RPTOR: variants seen among roughly 807,000 people sequenced by gnomAD.
RPTOR encodes regulatory associated protein of MTOR complex 1.
In RPTOR, 21 loss-of-function variants were observed where a neutral mutation model predicts 169.9. The ratio of observed to expected loss-of-function variants is 0.12; its 90% confidence interval spans 0.09 to 0.18. The LOEUF is 0.18. RPTOR is among the 10% of genes least tolerant of loss of function. The pLI is 1.00. For missense variants in RPTOR, 1,133 were observed against 1,855.9 expected (o/e 0.61, Z 7.16); for synonymous variants, 732 against 753.2 (o/e 0.97, Z 0.46).
At chr17:80,885,503 T>C (rs1419030558) in intron 17 of RPTOR, among the ~76,000 whole-genome samples, 1 of 152,222 alleles carries the variant, frequency 6.6e-6, no homozygotes, top group East Asian at 1.9e-4. Flanking sequence ...ACACCCCATG[T>C]ACGTCAGCGA....
At chr17:80,807,402 T>G (rs2067229155) in intron 7 of RPTOR, among the ~76,000 whole-genome samples, 1 of 151,862 alleles carries the variant, frequency 6.6e-6, no homozygotes, top group Admixed American at 6.6e-5. Context: ...TAGGCTGGAG[T>G]GCAATAGCAC....
intron 3 of RPTOR, 104 bp downstream of exon 3, chr17:80,643,914 T>C (rs994970558): frequency 3.9e-5 from 34 of 864,652 alleles, no homozygotes; most frequent in African/African-American, 8.4e-5. Context: ...GTGCACACCC[T>C]GCCCTTGTGT....
chr17:80,942,178 G>T (rs62068531), intron 25 of RPTOR: 36,121 of 151,664 alleles, frequency 0.24, 4,878 homozygotes, highest in Middle Eastern at 0.33. Context: ...CTGTTTTCCT[G>T]GAGGTTAGCG....
At chr17:80,592,746 A>C (rs892385282) in intron 1 of RPTOR, among the ~76,000 whole-genome samples, 3 of 152,236 alleles carry the variant, frequency 2.0e-5, no homozygotes, top group African/African-American at 7.2e-5. Flanking sequence ...GTATGTCTTC[A>C]CATTCCTACA....
At chr17:80,840,030 G>C (rs2067610143) in intron 10 of RPTOR, among the ~76,000 whole-genome samples, 1 of 152,146 alleles carries the variant, frequency 6.6e-6, no homozygotes, top group Admixed American at 6.5e-5. Context: ...TCTTATTGGA[G>C]GTGTAACTTA....
intron 1 of RPTOR, among the ~76,000 whole-genome samples, chr17:80,574,856 G>T (rs1457859552): frequency 1.4e-5 from 2 of 144,178 alleles, no homozygotes; most frequent in Admixed American, 7.1e-5. Context: ...TAGAGACAGG[G>T]TCTTCTTATG....
chr17:80,606,949 C>CT (rs1278061097), intron 1 of RPTOR, among the ~76,000 whole-genome samples: 3 of 152,200 alleles, frequency 2.0e-5, no homozygotes, highest in African/African-American at 7.2e-5. Flanking sequence ...GAGGGAGCTA[C>CT]TCAGGTTAAG....
intron 3 of RPTOR, 67 bp downstream of exon 3, chr17:80,643,877 C>T: frequency 8.0e-7 from 1 of 1,246,522 alleles, no homozygotes; most frequent in Non-Finnish European, 1.2e-6. Context: ...TGGTTTCCAA[C>T]ACTCTTTGGA....
At chr17:80,727,590 CG>C (rs2066350831) in intron 4 of RPTOR, among the ~76,000 whole-genome samples, 1 of 152,118 alleles carries the variant, frequency 6.6e-6, no homozygotes, top group Non-Finnish European at 1.5e-5. Flanking sequence ...GCTCCAAGAA[CG>C]TGGACGCTGC....
intron 7 of RPTOR, among the ~76,000 whole-genome samples, chr17:80,798,707 C>G (rs2067125816): frequency 6.6e-6 from 1 of 152,114 alleles, no homozygotes; most frequent in Non-Finnish European, 1.5e-5. Flanking sequence ...CAAGGGGGGG[C>G]CAAGGCACTG....
At chr17:80,773,388 G>T (rs2143423511) in intron 6 of RPTOR, among the ~76,000 whole-genome samples, 1 of 152,380 alleles carries the variant, frequency 6.6e-6, no homozygotes, top group East Asian at 1.9e-4. Flanking sequence ...CACGTTGGTT[G>T]TTGAAGCAGT....
intron 1 of RPTOR, among the ~76,000 whole-genome samples, chr17:80,561,995 T>C (rs1244647132): frequency 6.6e-6 from 1 of 152,188 alleles, no homozygotes; most frequent in Non-Finnish European, 1.5e-5. Flanking sequence ...TATTTATGTG[T>C]CAGTGCATGT....
chr17:80,661,837 G>A (rs763860764), intron 3 of RPTOR, among the ~76,000 whole-genome samples: 3 of 152,096 alleles, frequency 2.0e-5, no homozygotes, highest in African/African-American at 4.8e-5. Flanking sequence ...GAGTTGCCGC[G>A]AGTCTCGTGG....
At chr17:80,657,740 G>A (rs1032720781) in intron 3 of RPTOR, among the ~76,000 whole-genome samples, 8 of 152,090 alleles carry the variant, frequency 5.3e-5, no homozygotes, top group Admixed American at 2.0e-4. Context: ...TTACTGGATA[G>A]GGGAGTTTTT....
chr17:80,964,143 G>A lies in RPTOR; in HGVS notation c.3940-119G>A, dbSNP rs999506617. ...GCATTTCCGGGCCTGAGGTGGGCGT[G>A]GGGGTTCCTGAGACCCCGGCAGGAG... is the stretch of plus-strand genomic sequence containing the variant. On this transcript the variant is annotated intron_variant, in intron 33 of 33. Transcript: ENST00000306801. The A allele has an allele frequency of 2.3e-5, 20 of 865,418 alleles. No individual in the cohort carries two copies. The African/African-American group carries it at 3.0e-4, about 13-fold the overall frequency. The allele number at this position is 865,418 out of a possible 1,614,324, so 53.6% of individuals were successfully genotyped here.
intron 4 of RPTOR, among the ~76,000 whole-genome samples, chr17:80,720,877 G>A (rs998466356): frequency 6.6e-6 from 1 of 151,314 alleles, no homozygotes; most frequent in African/African-American, 2.5e-5. Context: ...TGGGTTGTCT[G>A]CCTTTGAGAA....
intron 5 of RPTOR, among the ~76,000 whole-genome samples, chr17:80,753,330 G>C (rs1376996060): frequency 2.0e-5 from 3 of 152,050 alleles, no homozygotes; most frequent in African/African-American, 7.2e-5. Context: ...ATAAGGTTAG[G>C]ATAGATTAAG....
intron 7 of RPTOR, among the ~76,000 whole-genome samples, chr17:80,815,827 G>C (rs1182132568): frequency 6.6e-6 from 1 of 152,070 alleles, no homozygotes; most frequent in African/African-American, 2.4e-5. Flanking sequence ...TGGCGAGGTG[G>C]CTTCCACGTG....
intron 3 of RPTOR, among the ~76,000 whole-genome samples, chr17:80,654,802 A>C (rs539567809): frequency 5.3e-4 from 80 of 152,364 alleles, no homozygotes; most frequent in African/African-American, 1.9e-3. Context: ...GAAGTAACTC[A>C]AGATTTGAGG....
Sources: allele counts gnomAD v4.1 joint callset (sites outside exome capture counted in the v4.1 genomes callset), GRCh38; gene constraint gnomAD v4.1.1; transcripts MANE v1.5; gene names NCBI Gene and HGNC (gene_info 2026-07-23, HGNC 2026-07-21).